Variants in UBAC2 observed in about 807,000 individuals in gnomAD.
The protein encoded by UBAC2 is UBA domain containing 2, also known as ubiquitin-associated domain-containing protein 2.
UBAC2 carries 26 observed loss-of-function variants against 44.0 expected under a neutral mutation model. The ratio of observed to expected loss-of-function variants is 0.59; its 90% CI spans 0.43 to 0.82. The LOEUF (loss-of-function observed/expected upper bound fraction) is 0.82. Among genes scored for constraint, UBAC2 ranks in the 40% least tolerant of loss-of-function variants. UBAC2 has a pLI of 0.00. For missense variants in UBAC2, 329 were observed against 419.4 expected (o/e 0.78, Z 1.88); for synonymous variants, 155 against 154.3 (o/e 1.00, Z -0.04).
chr13:99,247,870 TCTC>T (rs1477592966), intron 4 of UBAC2, among the ~76,000 whole-genome samples: 4 of 99,614 alleles, frequency 4.0e-5, no homozygotes, highest in Admixed American at 9.5e-5. Context: ...ATTCTCTCTC[TCTC>T]TTTTTTTTTT....
chr13:99,347,188 A>C (rs2044997253), intron 7 of UBAC2, among the ~76,000 whole-genome samples: 1 of 126,482 alleles, frequency 7.9e-6, no homozygotes, highest in African/African-American at 2.5e-5. Context: ...TAGAGAGTGC[A>C]AAGAGGGAAA....
At chr13:99,205,495 A>G (rs947012657) in intron 1 of UBAC2, among the ~76,000 whole-genome samples, 1 of 152,212 alleles carries the variant, frequency 6.6e-6, no homozygotes, top group Non-Finnish European at 1.5e-5. Context: ...TCCTCCCCAG[A>G]GGGTCAGATT....
chr13:99,325,248 G>A (rs1042565615), intron 6 of UBAC2, among the ~76,000 whole-genome samples: 4 of 151,890 alleles, frequency 2.6e-5, no homozygotes, highest in East Asian at 1.9e-4. Flanking sequence ...GACTACAGGC[G>A]CCTGTCACCA....
intron 4 of UBAC2, among the ~76,000 whole-genome samples, chr13:99,277,109 A>G (rs2043893749): frequency 6.6e-6 from 1 of 152,120 alleles, no homozygotes; most frequent in African/African-American, 2.4e-5. Context: ...AATTTTTAGG[A>G]TCATCTACTC....
At chr13:99,362,352 T>TA (rs2045276454) in intron 7 of UBAC2, among the ~76,000 whole-genome samples, 1 of 152,214 alleles carries the variant, frequency 6.6e-6, no homozygotes, top group Non-Finnish European at 1.5e-5. Flanking sequence ...AAGATCCTCA[T>TA]ACATGACCCC....
intron 7 of UBAC2, among the ~76,000 whole-genome samples, chr13:99,349,480 A>T (rs1483410292): frequency 2.0e-5 from 3 of 152,200 alleles, no homozygotes; most frequent in African/African-American, 4.8e-5. Flanking sequence ...TGCGGAGACC[A>T]GTAGTGGCCC....
At chr13:99,292,736 G>A (rs1477007041) in intron 4 of UBAC2, among the ~76,000 whole-genome samples, 1 of 145,758 alleles carries the variant, frequency 6.9e-6, no homozygotes. Context: ...TTTTAATGTG[G>A]TCAACTGCCA....
chr13:99,337,509 A>G (rs1281720457), intron 6 of UBAC2, among the ~76,000 whole-genome samples: 3 of 152,122 alleles, frequency 2.0e-5, no homozygotes, highest in Non-Finnish European at 2.9e-5. Context: ...GTTTCACCAC[A>G]GTGGATCTAG....
chr13:99,273,238 C>T (rs558910812), intron 4 of UBAC2, among the ~76,000 whole-genome samples: 6 of 151,890 alleles, frequency 4.0e-5, no homozygotes, highest in South Asian at 2.1e-4. Flanking sequence ...TTTTTTGTTG[C>T]GACTGTGTTC....
chr13:99,206,651 G>A (rs988657132), intron 1 of UBAC2, among the ~76,000 whole-genome samples: 1 of 152,186 alleles, frequency 6.6e-6, no homozygotes, highest in Non-Finnish European at 1.5e-5. Context: ...TGCTCATCGA[G>A]CAAAACCCTA....
chr13:99,372,886 G>A (rs991315668), intron 8 of UBAC2, among the ~76,000 whole-genome samples: 1 of 152,098 alleles, frequency 6.6e-6, no homozygotes, highest in African/African-American at 2.4e-5. Context: ...AGGCTGAGGC[G>A]GACGGATCAC....
chr13:99,247,450 G>A (rs1483687634), intron 4 of UBAC2, among the ~76,000 whole-genome samples: 2 of 151,730 alleles, frequency 1.3e-5, no homozygotes, highest in Non-Finnish European at 2.9e-5. Context: ...TCCTGACCTC[G>A]TGATCCGCCC....
At chr13:99,202,709 C>T (rs2042819666) in intron 1 of UBAC2, among the ~76,000 whole-genome samples, 1 of 152,044 alleles carries the variant, frequency 6.6e-6, no homozygotes, top group African/African-American at 2.4e-5. Context: ...GTCTGGAGCC[C>T]CTCTGCAGCT....
chr13:99,342,138 C>G (rs1009082140), intron 7 of UBAC2, among the ~76,000 whole-genome samples: 3 of 152,246 alleles, frequency 2.0e-5, no homozygotes, highest in African/African-American at 4.8e-5. Flanking sequence ...TGGGGGCGGG[C>G]TGGCGAAGGC....
At chr13:99,279,077 C>G (rs2043920245) in intron 4 of UBAC2, among the ~76,000 whole-genome samples, 1 of 152,160 alleles carries the variant, frequency 6.6e-6, no homozygotes, top group South Asian at 2.1e-4. Context: ...GGATTTTAAG[C>G]TGTTCCCTTT....
chr13:99,362,445 C>T (rs1224224128), intron 7 of UBAC2, among the ~76,000 whole-genome samples: 1 of 152,190 alleles, frequency 6.6e-6, no homozygotes, highest in African/African-American at 2.4e-5. Context: ...TGTTGCTCTC[C>T]AAAAGGGTTG....
chr13:99,364,109 T>G (rs2045300343), intron 7 of UBAC2, among the ~76,000 whole-genome samples: 1 of 152,096 alleles, frequency 6.6e-6, no homozygotes, highest in Non-Finnish European at 1.5e-5. Flanking sequence ...GAGTTTTGTT[T>G]CTCTTTTTCT....
At chr13:99,248,624 C>G (rs1019714642) in intron 4 of UBAC2, among the ~76,000 whole-genome samples, 2 of 152,158 alleles carry the variant, frequency 1.3e-5, no homozygotes, top group African/African-American at 4.8e-5. Flanking sequence ...CTCAGGTGAT[C>G]GACCTGCCTT....
chr13:99,330,938 G>A (rs2044708064), intron 6 of UBAC2, among the ~76,000 whole-genome samples: 3 of 152,160 alleles, frequency 2.0e-5, no homozygotes, highest in African/African-American at 7.2e-5. Flanking sequence ...AAAGGAGGAT[G>A]GTCCGCTTGT....
Sources: gnomAD v4.1 joint callset for allele counts (sites outside exome capture counted in the v4.1 genomes callset) on GRCh38, gnomAD v4.1.1 for gene constraint, MANE v1.5 for transcripts, NCBI Gene and HGNC (gene_info 2026-07-23, HGNC 2026-07-21) for gene names.